AFG2A: variants seen among roughly 807,000 people sequenced by gnomAD.
The protein encoded by AFG2A is AAA ATPase AFG2A.
At chr4:123,029,874 G>A in the AFG2A span, among the ~76,000 whole-genome samples, 1 of 152,048 alleles carries the variant, frequency 6.6e-6, no homozygotes, top group African/African-American at 2.4e-5. Flanking sequence ...CTGGCCTCAA[G>A]CAGCCCTCCC....
At chr4:123,065,963 A>T in the AFG2A span, among the ~76,000 whole-genome samples, 4 of 152,258 alleles carry the variant, frequency 2.6e-5, no homozygotes, top group South Asian at 2.1e-4. Flanking sequence ...AAATATATTT[A>T]AAAAAATGAA....
At chr4:123,112,862 A>G in the AFG2A span, among the ~76,000 whole-genome samples, 15 of 152,296 alleles carry the variant, frequency 9.8e-5, no homozygotes, top group Non-Finnish European at 2.1e-4. Context: ...AAATATCTAT[A>G]TAAAATCTGA....
the AFG2A span, chr4:123,056,388 G>A: frequency 1.9e-4 from 309 of 1,611,318 alleles, no homozygotes; most frequent in Non-Finnish European, 2.5e-4. Context: ...TTCATGCAGG[G>A]GCCTGAATTA....
the AFG2A span, among the ~76,000 whole-genome samples, chr4:123,016,715 G>C: frequency 9.2e-5 from 14 of 151,948 alleles, no homozygotes; most frequent in African/African-American, 3.1e-4. Context: ...CTTCCCAGAC[G>C]GGGTGGCGGC....
chr4:122,935,799 T>C, the AFG2A span: 1 of 1,613,134 alleles, frequency 6.2e-7, no homozygotes, highest in Non-Finnish European at 8.5e-7. Context: ...CTAATGAAGT[T>C]GGAGCCTATG....
chr4:123,095,030 C>CAAAAA, the AFG2A span, among the ~76,000 whole-genome samples: 5,936 of 33,226 alleles, frequency 0.18, 735 homozygotes, highest in Non-Finnish European at 0.3. Context: ...TCCCTCCCCA[C>CAAAAA]AAAAAAAAAA....
the AFG2A span, among the ~76,000 whole-genome samples, chr4:122,980,651 C>T: frequency 6.6e-6 from 1 of 152,182 alleles, no homozygotes; most frequent in East Asian, 1.9e-4. Context: ...ATATCCTTGG[C>T]AACACTTATC....
the AFG2A span, among the ~76,000 whole-genome samples, chr4:123,311,316 T>G: frequency 1.3e-5 from 2 of 151,930 alleles, no homozygotes; most frequent in African/African-American, 4.8e-5. Flanking sequence ...AAACAACAAC[T>G]TATAGCTCAT....
chr4:123,252,599 C>G, the AFG2A span, among the ~76,000 whole-genome samples: 3 of 152,214 alleles, frequency 2.0e-5, no homozygotes, highest in Admixed American at 6.5e-5. Context: ...CTAACAAATG[C>G]AAGTTACTAC....
At chr4:123,028,613 C>CT in the AFG2A span, among the ~76,000 whole-genome samples, 10 of 152,110 alleles carry the variant, frequency 6.6e-5, no homozygotes, top group African/African-American at 2.4e-4. Context: ...GGGAAGACTG[C>CT]TTTATTTAGT....
chr4:122,944,929 CA>C, the AFG2A span, among the ~76,000 whole-genome samples: 1 of 152,194 alleles, frequency 6.6e-6, no homozygotes, highest in Admixed American at 6.5e-5. Context: ...TGGGTATCAA[CA>C]GCGGTGTCTG....
At chr4:123,016,541 G>T in the AFG2A span, among the ~76,000 whole-genome samples, 1 of 151,284 alleles carries the variant, frequency 6.6e-6, no homozygotes, top group African/African-American at 2.4e-5. Context: ...GGGCAGAGAC[G>T]CTCCTCACTT....
chr4:123,191,045 A>G, the AFG2A span, among the ~76,000 whole-genome samples: 1 of 152,184 alleles, frequency 6.6e-6, no homozygotes, highest in African/African-American at 2.4e-5. Flanking sequence ...AGCACTTTTC[A>G]TGGACTGCTA....
the AFG2A span, among the ~76,000 whole-genome samples, chr4:123,082,159 A>G: frequency 6.6e-6 from 1 of 151,922 alleles, no homozygotes; most frequent in African/African-American, 2.4e-5. Context: ...CAGTTGTTTT[A>G]TTTGTGGATG....
At chr4:122,946,826 A>G in the AFG2A span, among the ~76,000 whole-genome samples, 1 of 152,170 alleles carries the variant, frequency 6.6e-6, no homozygotes, top group Non-Finnish European at 1.5e-5. Context: ...TGAGTATTAT[A>G]TGTGTCAGAA....
At chr4:123,232,446 A>T in the AFG2A span, among the ~76,000 whole-genome samples, 1 of 152,032 alleles carries the variant, frequency 6.6e-6, no homozygotes, top group Non-Finnish European at 1.5e-5. Context: ...TCCTGCTGAA[A>T]ATTAGGGCAA....
At chr4:123,258,367 A>G in the AFG2A span, among the ~76,000 whole-genome samples, 1 of 152,196 alleles carries the variant, frequency 6.6e-6, no homozygotes, top group Non-Finnish European at 1.5e-5. Flanking sequence ...ACGTTAAGTA[A>G]TGCTTAAGAT....
chr4:123,198,679 T>C, the AFG2A span, among the ~76,000 whole-genome samples: 124,465 of 152,230 alleles, frequency 0.82, 51,366 homozygotes, highest in Non-Finnish European at 0.86. Context: ...TAGGACTTAA[T>C]CCTAAAAGTT....
the AFG2A span, among the ~76,000 whole-genome samples, chr4:123,237,672 C>CAAAAAAAAAA: frequency 4.8e-4 from 32 of 66,628 alleles, 1 homozygote; most frequent in African/African-American, 9.4e-4. Flanking sequence ...AACCTTGTCT[C>CAAAAAAAAAA]AAAAAAAAAA....
Sources: allele counts gnomAD v4.1 joint callset (sites outside exome capture counted in the v4.1 genomes callset), GRCh38; gene constraint gnomAD v4.1.1; transcripts MANE v1.5; gene names NCBI Gene and HGNC (gene_info 2026-07-23, HGNC 2026-07-21).